PCDHGA10: variants seen among roughly 807,000 people sequenced by gnomAD.
PCDHGA10 encodes the protein protocadherin gamma-A10.
Under a neutral mutation model 59.5 loss-of-function variants are expected in PCDHGA10, and 42 were observed. That is an observed-to-expected ratio of 0.71 (90% CI 0.55 to 0.91). The LOEUF is 0.91. Ranked by LOEUF, PCDHGA10 falls within the 40% of genes least tolerant of loss-of-function variation. The pLI is 0.00. For missense variants in PCDHGA10, 1,111 were observed against 1,198.2 expected (o/e 0.93, Z 1.07); for synonymous variants, 511 against 517.2 (o/e 0.99, Z 0.16).
intron 1 of PCDHGA10, chr5:141,419,581 C>T: frequency 6.2e-7 from 1 of 1,611,888 alleles, no homozygotes; most frequent in South Asian, 1.1e-5. Context: ...GCTCCGCGCT[C>T]TTCGACACAG....
intron 1 of PCDHGA10, among the ~76,000 whole-genome samples, chr5:141,474,788 A>G (rs1426105047): frequency 6.6e-6 from 1 of 152,232 alleles, no homozygotes; most frequent in Non-Finnish European, 1.5e-5. Context: ...AACACTTTAC[A>G]TCTAATGGAG....
rs888556794 is a variant in PCDHGA10 at position 141,493,414 on chromosome 5, A to T, written c.2437-1393A>T. Among the ~76,000 whole-genome samples, 2 of 152,058 alleles carry T rather than the reference A, an allele frequency of 1.3e-5. No individual in the cohort carries two copies. Among genetic ancestry groups the T allele is most frequent in the Admixed American group, 6.6e-5 (1 of 15,248 alleles). ...GGAGAGGGGAGTTGCCTCTGCTGGG[A>T]TTTTGCTTCTGCTGGGATGGGGCAA... On this transcript the variant is annotated intron_variant, in intron 1 of 3. Coordinates refer to ENST00000398610, the MANE Select transcript of PCDHGA10 (RefSeq NM_018913.3). The surrounding 1 kb of genome is among the most constrained non-coding windows in gnomAD (Gnocchi z 4.3).
At chr5:141,428,727 A>G (rs1348450181) in intron 1 of PCDHGA10, 1 of 160,588 alleles carries the variant, frequency 6.2e-6, no homozygotes, top group Non-Finnish European at 1.4e-5. Context: ...AAAATCTTAA[A>G]CATATTATAT....
In PCDHGA10 at chr5:141,413,416, C is replaced by G. The variant is rs893515703; in HGVS notation, c.241C>G (p.Leu81Val). ...CAGAGGTAGGACGCAGCTTTTCTCT[C>G]TGAACCCGCGCAGCGGCAGCTTGAT... ...VSRGRTQLFS[L>V]NPRSGSLITA... Residue 81 changes from leucine (L) to valine (V), a missense_variant, in exon 1 of 4, where the codon CTG becomes GTG. By Grantham distance (32) the Leu-to-Val change is conservative. Transcript: ENST00000398610. 1 of 1,614,100 alleles carries G rather than the reference C, an allele frequency of 6.2e-7. No individual in the cohort carries two copies. Among genetic ancestry groups the G allele is most frequent in the Admixed American group, 1.7e-5 (1 of 60,034 alleles).
rs748457785 is a variant in PCDHGA10 at position 141,489,197 on chromosome 5, A to G, written c.2437-5610A>G. On this transcript the variant is annotated intron_variant, in intron 1 of 3. Coordinates refer to ENST00000398610, the MANE Select transcript of PCDHGA10 (RefSeq NM_018913.3). This position sits in a 1 kb window ranked among gnomAD's most constrained non-coding sequence, Gnocchi z 4.5. ...TCCAAGCCCTGGGTCTACCTTGGAG[A>G]CAGGACAGCACAGACTTACTCTCCA... 7 of 1,391,050 alleles carry G rather than the reference A, an allele frequency of 5.0e-6. No individual in the cohort carries two copies. Among genetic ancestry groups the G allele is most frequent in the African/African-American group, 2.9e-5 (2 of 69,150 alleles). 86.2% of individuals were successfully genotyped at this position (1,391,050 alleles called of 1,614,324 possible).
intron 1 of PCDHGA10, among the ~76,000 whole-genome samples, chr5:141,484,389 G>A (rs1336850919): frequency 6.6e-6 from 1 of 152,140 alleles, no homozygotes; most frequent in Non-Finnish European, 1.5e-5. Flanking sequence ...GAATAAGAAA[G>A]GTTTGGTTTC....
chr5:141,453,288 A>G (rs931678565), intron 1 of PCDHGA10, among the ~76,000 whole-genome samples: 1 of 151,342 alleles, frequency 6.6e-6, no homozygotes, highest in Non-Finnish European at 1.5e-5. Context: ...TAATTTTTTA[A>G]TTATTTATTT....
chr5:141,432,413 G>C lies in PCDHGA10; in HGVS notation c.2436+16802G>C, dbSNP rs369816901. 9 of 1,614,114 alleles carry C rather than the reference G, an allele frequency of 5.6e-6. No homozygotes were observed. The highest frequency in any genetic ancestry group is 1.3e-5 in the African/African-American group (1 of 74,946). ...CAGCAACGTGTCGTTGAGCCTGTTCGTGCTGGACCAGAACGACAATGCGCC... is the reference window on the plus strand; with the variant it reads ...CAGCAACGTGTCGTTGAGCCTGTTCCTGCTGGACCAGAACGACAATGCGCC... On this transcript the variant is annotated intron_variant, in intron 1 of 3. Coordinates refer to ENST00000398610, the MANE Select transcript of PCDHGA10 (RefSeq NM_018913.3). This position sits in a 1 kb window ranked among gnomAD's most constrained non-coding sequence, Gnocchi z 6.0.
Position 141,422,492 on chromosome 5 carries a change from C to T in PCDHGA10, c.2436+6881C>T, listed in dbSNP as rs747903569. 2.5e-6 allele frequency: 4 copies of T among 1,613,934 alleles called. No homozygotes were observed. The East Asian group carries it at 6.7e-5, about 27-fold the overall frequency. ...GAGTTGGTCCAGAGCTACAATATAA[C>T]GTTGACAGCCACAGACCAGGGAAGC... On this transcript the variant is annotated intron_variant, in intron 1 of 3. Coordinates refer to ENST00000398610, the MANE Select transcript of PCDHGA10 (RefSeq NM_018913.3).
intron 1 of PCDHGA10, among the ~76,000 whole-genome samples, chr5:141,445,609 T>A (rs900534761): frequency 1.3e-5 from 2 of 152,220 alleles, no homozygotes; most frequent in African/African-American, 4.8e-5. Flanking sequence ...CAAGGAAGGC[T>A]TTCTTTTTTT....
chr5:141,463,438 CTTTTTTTTTTTT>C (rs71576115), intron 1 of PCDHGA10, among the ~76,000 whole-genome samples: 6 of 103,254 alleles, frequency 5.8e-5, no homozygotes, highest in Admixed American at 3.1e-4. Flanking sequence ...TTTCCTTCTC[CTTTTTTTTTTTT>C]TTTTTTTTTT....
chr5:141,479,679 T>A (rs1211872684), intron 1 of PCDHGA10: 1 of 152,258 alleles, frequency 6.6e-6, no homozygotes, highest in East Asian at 1.9e-4. Flanking sequence ...AAGGAGAGTC[T>A]TTTTGGTGCC....
intron 1 of PCDHGA10, among the ~76,000 whole-genome samples, chr5:141,488,661 G>T (rs573211567): frequency 6.6e-6 from 1 of 152,246 alleles, no homozygotes; most frequent in African/African-American, 2.4e-5. Context: ...GGAGGGTGGG[G>T]GAATACATGG....
At chr5:141,447,549 A>T (rs1387130901) in intron 1 of PCDHGA10, among the ~76,000 whole-genome samples, 1 of 152,216 alleles carries the variant, frequency 6.6e-6, no homozygotes, top group Non-Finnish European at 1.5e-5. Context: ...TAATGTTATG[A>T]GTACACTTGG....
intron 3 of PCDHGA10, among the ~76,000 whole-genome samples, chr5:141,509,504 C>T (rs534951697): frequency 4.7e-4 from 72 of 152,246 alleles, no homozygotes; most frequent in Non-Finnish European, 8.4e-4. Flanking sequence ...CTGGATGTGA[C>T]GGTGTTGATG....
intron 1 of PCDHGA10, among the ~76,000 whole-genome samples, chr5:141,458,758 G>T (rs1473104567): frequency 1.3e-5 from 2 of 150,844 alleles, no homozygotes; most frequent in Non-Finnish European, 3.0e-5. Context: ...TTTGAGACAG[G>T]GTCTTGCTGT....
chr5:141,444,524 A>G (rs563709940), intron 1 of PCDHGA10, among the ~76,000 whole-genome samples: 47 of 152,224 alleles, frequency 3.1e-4, no homozygotes, highest in African/African-American at 1.1e-3. Context: ...AGTAGGTGAG[A>G]CAGTGACTGT....
At chr5:141,449,380 G>C (rs1011160817) in intron 1 of PCDHGA10, among the ~76,000 whole-genome samples, 3 of 151,950 alleles carry the variant, frequency 2.0e-5, no homozygotes, top group African/African-American at 7.3e-5. Flanking sequence ...GCTGAGGCAG[G>C]TGGATTACTT....
At chr5:141,505,081 G>A (rs2099843521) in intron 2 of PCDHGA10, among the ~76,000 whole-genome samples, 3 of 152,146 alleles carry the variant, frequency 2.0e-5, no homozygotes, top group Admixed American at 2.0e-4. Flanking sequence ...AGAATCGCTT[G>A]AACCCAGGAG....
Sources: gnomAD v4.1 joint callset for allele counts (sites outside exome capture counted in the v4.1 genomes callset) on GRCh38, gnomAD v4.1.1 for gene constraint, Gnocchi (gnomAD v3.1) non-coding constraint, MANE v1.5 for transcripts, NCBI Gene and HGNC (gene_info 2026-07-23, HGNC 2026-07-21) for gene names.